The following MAGI2 variants were observed in gnomAD, a reference collection of about 807,000 sequenced individuals.
MAGI2 encodes membrane-associated guanylate kinase, WW and PDZ domain-containing protein 2.
MAGI2 carries 35 observed loss-of-function variants against 133.3 expected under a neutral mutation model. That is an observed-to-expected ratio of 0.26 (90% confidence interval 0.20 to 0.35). MAGI2 has a LOEUF of 0.35. Among genes scored for constraint, MAGI2 ranks in the 10% least tolerant of loss-of-function variants. MAGI2 has a pLI of 1.00. For synonymous variants in MAGI2, 729 were observed against 710.6 expected, an observed-to-expected ratio of 1.03 and a Z score of -0.41; for missense variants, 1,636 against 1,863.4, an observed-to-expected ratio of 0.88 and a Z score of 2.25.
intron 6 of MAGI2, among the ~76,000 whole-genome samples, chr7:78,457,367 T>C (rs753197160): frequency 8.5e-5 from 13 of 152,166 alleles, no homozygotes; most frequent in Non-Finnish European, 1.9e-4. Flanking sequence ...GAAGTCAGAT[T>C]CTCCTAGGTT....
intron 6 of MAGI2, among the ~76,000 whole-genome samples, chr7:78,433,063 C>A (rs771605166): frequency 1.3e-5 from 2 of 151,940 alleles, no homozygotes; most frequent in Non-Finnish European, 2.9e-5. Flanking sequence ...ATAAACAGCA[C>A]GAAAGTCCAA....
intron 1 of MAGI2, among the ~76,000 whole-genome samples, chr7:79,450,547 A>T (rs1453366025): frequency 6.6e-6 from 1 of 152,154 alleles, no homozygotes; most frequent in Non-Finnish European, 1.5e-5. Context: ...GGCTATCATT[A>T]TACAAATTTA....
At chr7:78,396,744 T>C (rs771746179) in intron 6 of MAGI2, among the ~76,000 whole-genome samples, 1 of 152,154 alleles carries the variant, frequency 6.6e-6, no homozygotes, top group Non-Finnish European at 1.5e-5. Context: ...CTTAGAAATA[T>C]ATAAAATGCT....
chr7:79,323,200 C>T (rs1585567093), intron 1 of MAGI2, among the ~76,000 whole-genome samples: 1 of 152,088 alleles, frequency 6.6e-6, no homozygotes, highest in Admixed American at 6.6e-5. Flanking sequence ...CTACTGTATA[C>T]CAAGTATTGA....
intron 2 of MAGI2, among the ~76,000 whole-genome samples, chr7:78,994,546 C>A (rs1237428909): frequency 6.6e-6 from 1 of 152,008 alleles, no homozygotes; most frequent in African/African-American, 2.4e-5. Context: ...TATTCTGGAG[C>A]CTCCTAAGAT....
At chr7:79,002,777 C>A (rs1807010403) in intron 2 of MAGI2, among the ~76,000 whole-genome samples, 1 of 151,516 alleles carries the variant, frequency 6.6e-6, no homozygotes, top group African/African-American at 2.4e-5. Context: ...ATAGTAGTTT[C>A]ATTACAGAAC....
intron 1 of MAGI2, among the ~76,000 whole-genome samples, chr7:79,309,383 T>TTA (rs1282346176): frequency 6.7e-6 from 1 of 150,254 alleles, no homozygotes; most frequent in Non-Finnish European, 1.5e-5. Flanking sequence ...TAAGGTGATA[T>TTA]TATATATATT....
rs62458968 is a variant in MAGI2, at chr7:79,324,635, A to G, written c.301+128385T>C. ...AATATATATAATATATATATTATAT[A>G]TATATAAAATATATATATATTATAT... On this transcript the variant is annotated intron_variant, in intron 1 of 21. Coordinates refer to ENST00000354212, the MANE Select transcript of MAGI2 (RefSeq NM_012301.4). 1.3e-3 allele frequency among the ~76,000 whole-genome samples: 4 copies of G among 3,090 alleles called. 2 individuals carry two copies. The Non-Finnish European group carries it at 0.028, about 21-fold the overall frequency. 2.0% of individuals were successfully genotyped at this position (3,090 alleles called of 152,430 possible). A position where few individuals can be genotyped will look rare whatever the true frequency, so the allele number is the denominator to read the frequency against.
intron 16 of MAGI2, among the ~76,000 whole-genome samples, chr7:78,142,152 C>A (rs1420666595): frequency 6.6e-6 from 1 of 152,112 alleles, no homozygotes. Context: ...TCACACAGGC[C>A]ACCATGCTCA....
chr7:78,943,409 T>G (rs747670515), intron 2 of MAGI2, among the ~76,000 whole-genome samples: 43 of 152,122 alleles, frequency 2.8e-4, no homozygotes, highest in Non-Finnish European at 5.9e-4. Context: ...TATAGAACAC[T>G]TACTTAAGAG....
intron 2 of MAGI2, among the ~76,000 whole-genome samples, chr7:78,849,300 A>ATC (rs1792916483): frequency 6.6e-6 from 1 of 152,080 alleles, no homozygotes; most frequent in Non-Finnish European, 1.5e-5. Flanking sequence ...AAGGAGAGTG[A>ATC]GCAATATCTT....
intron 1 of MAGI2, among the ~76,000 whole-genome samples, chr7:79,116,623 C>T (rs536147389): frequency 6.6e-6 from 1 of 152,262 alleles, no homozygotes; most frequent in South Asian, 2.1e-4. Context: ...CCCTCCAAAA[C>T]TCATGTTGAA....
chr7:78,575,113 G>T (rs1049070603), intron 3 of MAGI2, among the ~76,000 whole-genome samples: 53 of 151,812 alleles, frequency 3.5e-4, no homozygotes, highest in Non-Finnish European at 1.0e-4. Context: ...ACAACACAGG[G>T]TTGCCACATT....
At chr7:78,755,801 C>G (rs1207793846) in intron 2 of MAGI2, among the ~76,000 whole-genome samples, 2 of 152,230 alleles carry the variant, frequency 1.3e-5, no homozygotes, top group South Asian at 2.1e-4. Flanking sequence ...AGTATGTTCC[C>G]CTATAGAACA....
At chr7:79,433,188 C>A (rs900459829) in intron 1 of MAGI2, among the ~76,000 whole-genome samples, 3 of 152,050 alleles carry the variant, frequency 2.0e-5, no homozygotes, top group African/African-American at 7.2e-5. Context: ...GGTGGGCTAG[C>A]GATGCTGTCT....
intron 2 of MAGI2, among the ~76,000 whole-genome samples, chr7:78,991,642 T>C (rs1422222994): frequency 1.3e-5 from 2 of 151,554 alleles, no homozygotes; most frequent in Admixed American, 1.3e-4. Flanking sequence ...TAATAGGCCA[T>C]GTGCTTGATA....
chr7:79,184,570 A>G (rs1428355092), intron 1 of MAGI2, among the ~76,000 whole-genome samples: 6 of 151,758 alleles, frequency 4.0e-5, no homozygotes, highest in Admixed American at 1.3e-4. Flanking sequence ...GAGTAATAGG[A>G]GAAAAAAAGG....
chr7:78,536,741 T>C (rs958048347), intron 3 of MAGI2, among the ~76,000 whole-genome samples: 1 of 140,500 alleles, frequency 7.1e-6, no homozygotes, highest in Non-Finnish European at 1.5e-5. Flanking sequence ...CAATAGTTTT[T>C]TTTTTGTTTT....
intron 3 of MAGI2, among the ~76,000 whole-genome samples, chr7:78,546,590 A>G (rs1238523828): frequency 1.3e-5 from 2 of 152,262 alleles, no homozygotes; most frequent in East Asian, 3.9e-4. Context: ...GTTGATTAGT[A>G]TATTGCCAAC....
Sources: allele counts gnomAD v4.1 joint callset (sites outside exome capture counted in the v4.1 genomes callset), GRCh38; gene constraint gnomAD v4.1.1; transcripts MANE v1.5; gene names NCBI Gene and HGNC (gene_info 2026-07-23, HGNC 2026-07-21).